Variants in STON2 observed in about 807,000 individuals in gnomAD.
STON2 encodes stonin-2.
In STON2, 29 loss-of-function variants were observed where a neutral mutation model predicts 65.7. The ratio of observed to expected loss-of-function variants is 0.44; its 90% CI spans 0.33 to 0.60. STON2 has a LOEUF of 0.60. STON2 is among the 20% of genes least tolerant of loss of function. The pLI is 0.03. For synonymous variants in STON2, 404 were observed against 414.2 expected (o/e 0.98, Z 0.30); for missense variants, 1,054 against 1,118.1 (o/e 0.94, Z 0.82).
chr14:81,411,966 G>A (rs1901187766), intron 2 of STON2, among the ~76,000 whole-genome samples: 1 of 107,726 alleles, frequency 9.3e-6, no homozygotes, highest in Non-Finnish European at 1.7e-5. Flanking sequence ...AACCACGATG[G>A]GATGAAAAGT....
rs1211336787 is a variant in STON2 at position 81,278,265 on chromosome 14, CTGGAAA to C, written c.1211_1216del (p.Ile404_Ser405del). The C allele has an allele frequency of 1.2e-6, 2 of 1,614,074 alleles. No homozygotes were observed. Among genetic ancestry groups the C allele is most frequent in the South Asian group, 2.2e-5 (2 of 91,080 alleles). ...ATCTCTTTGGCTTTTGCCCGTGGTA[CTGGAAA>C]TGGAACTGTTTTGGGAGCGCCTCTC... On this transcript the variant is annotated inframe_deletion, in exon 6 of 8. Transcript: ENST00000614646.
chr14:81,293,217 A>G lies in STON2; in HGVS notation c.743-14478T>C, dbSNP rs527495252. 2.8e-5 allele frequency among the ~76,000 whole-genome samples: 4 copies of G among 145,306 alleles called. No homozygotes were observed. The South Asian group carries it at 8.6e-4, about 31-fold the overall frequency. On this transcript the variant is annotated intron_variant, in intron 5 of 7. Transcript: ENST00000614646. The stretch of plus-strand genomic sequence containing the variant: ...TGAGATGGAGTCTCGCTCCGTCATC[A>G]GGCTGGAGTGCAGTGGTGCGATCTT...
intron 6 of STON2, among the ~76,000 whole-genome samples, chr14:81,276,201 C>T (rs552930219): frequency 1.6e-4 from 25 of 152,252 alleles, no homozygotes; most frequent in Admixed American, 7.8e-4. Context: ...TGGACTCACT[C>T]AAGCACAAAA....
At position 81,412,505 on chromosome 14, in the gene STON2, T is replaced by C. The variant is rs536914427; in HGVS notation, c.-198-13925A>G. Among the ~76,000 whole-genome samples the C allele has an allele frequency of 3.6e-5, 5 of 140,058 alleles. 1 individual carries two copies. The highest frequency in any genetic ancestry group is 4.8e-4 in the South Asian group (2 of 4,210). 91.9% of individuals were successfully genotyped at this position (140,058 alleles called of 152,430 possible). On this transcript the variant is annotated intron_variant, in intron 2 of 8. Transcript: ENST00000553821. The stretch of plus-strand genomic sequence containing the variant: ...CAGTTACAAAACGACAAATACTATA[T>C]GATTCCACTTACATGAAGTACTTAG...
intron 4 of STON2, among the ~76,000 whole-genome samples, chr14:81,342,086 T>TTA (rs1270997361): frequency 1.3e-5 from 2 of 152,140 alleles, no homozygotes; most frequent in African/African-American, 2.4e-5. Flanking sequence ...AAATTATGTG[T>TTA]TATACTCCTT....
chr14:81,270,821 C>T lies in STON2; in HGVS notation c.2633G>A (p.Arg878Gln), dbSNP rs758368820. 1.6e-5 allele frequency: 26 copies of T among 1,613,732 alleles called. No homozygotes were observed. Among genetic ancestry groups the T allele is most frequent in the East Asian group, 4.5e-5 (2 of 44,884 alleles). Residue 878 changes from arginine (R) to glutamine (Q), a missense_variant, in exon 7 of 8, where the codon CGG becomes CAG. Coordinates refer to ENST00000614646, the MANE Select transcript of STON2 (RefSeq NM_001394390.1). Reference sequence around the variant, plus strand: ...ATTGGCAAATCTGGAAGGCACTTCCCGGTCAGAGCCGAGTTCAAGGTGGCA... The same window carrying T: ...ATTGGCAAATCTGGAAGGCACTTCCTGGTCAGAGCCGAGTTCAAGGTGGCA... ...FFCHLELGSD[R>Q]EVPSRFANHV...
chr14:81,424,597 C>T (rs1479731802), intron 2 of STON2, among the ~76,000 whole-genome samples: 1 of 151,878 alleles, frequency 6.6e-6, no homozygotes, highest in Non-Finnish European at 1.5e-5. Flanking sequence ...ATTTCTTCAA[C>T]TTCTCAGGGA....
chr14:81,337,628 T>G (rs1338278655), intron 4 of STON2, among the ~76,000 whole-genome samples: 1 of 152,068 alleles, frequency 6.6e-6, no homozygotes, highest in Non-Finnish European at 1.5e-5. Context: ...TATGAAGATC[T>G]TGAAGAACGA....
In STON2 at chr14:81,267,864, T is replaced by C. The variant is rs1894417879; in HGVS notation, c.*550A>G. The C allele has an allele frequency of 5.1e-6, 5 of 985,430 alleles. No homozygotes were observed. Among genetic ancestry groups the C allele is most frequent in the Non-Finnish European group, 3.6e-6 (3 of 829,964 alleles). 61.0% of individuals were successfully genotyped at this position (985,430 alleles called of 1,614,324 possible). On this transcript the variant is annotated 3_prime_UTR_variant, in exon 8 of 8. Coordinates refer to ENST00000614646, the MANE Select transcript of STON2 (RefSeq NM_001394390.1). ...GCCAGGAGGGAAATGTCTTGAAAGC[T>C]TAACAGTTAAAGAATGGAGACACCT...
At chr14:81,382,672 T>G (rs999281604) in intron 3 of STON2, among the ~76,000 whole-genome samples, 1 of 152,198 alleles carries the variant, frequency 6.6e-6, no homozygotes, top group African/African-American at 2.4e-5. Flanking sequence ...CTTTATAATC[T>G]AATACACAAT....
Position 81,262,457 on chromosome 14 carries a change from G to A in STON2, c.*5957C>T, listed in dbSNP as rs192782718. 201 of 985,254 alleles carry A rather than the reference G, an allele frequency of 2.0e-4. 1 individual carries two copies. The African/African-American group carries it at 3.4e-3, about 17-fold the overall frequency. 61.0% of individuals were successfully genotyped at this position (985,254 alleles called of 1,614,324 possible). A position where few individuals can be genotyped will look rare whatever the true frequency, so the allele number is the denominator to read the frequency against. On this transcript the variant is annotated 3_prime_UTR_variant, in exon 8 of 8. Transcript: ENST00000614646. ...TTACTATGCAATCTTTATTTTTCCTGGAGCTTCTTACTTTTAACTTTAAGA... is the reference window on the plus strand; with the variant it reads ...TTACTATGCAATCTTTATTTTTCCTAGAGCTTCTTACTTTTAACTTTAAGA...
At chr14:81,419,550 T>C (rs1486829955) in intron 2 of STON2, among the ~76,000 whole-genome samples, 4 of 152,182 alleles carry the variant, frequency 2.6e-5, no homozygotes, top group Admixed American at 1.3e-4. Context: ...ATCTGCCCAA[T>C]TCCCCTAAAT....
chr14:81,373,346 AAAG>A (rs1299332453), intron 3 of STON2, among the ~76,000 whole-genome samples: 1 of 152,216 alleles, frequency 6.6e-6, no homozygotes, highest in Non-Finnish European at 1.5e-5. Context: ...AAATACTAAA[AAAG>A]AAGAAAAGAT....
At chr14:81,424,878 A>T (rs965382992) in intron 2 of STON2, among the ~76,000 whole-genome samples, 7 of 152,130 alleles carry the variant, frequency 4.6e-5, no homozygotes, top group Non-Finnish European at 8.8e-5. Flanking sequence ...GTTTCTAAAG[A>T]TTTTTTCTTT....
At chr14:81,357,259 C>T (rs1488853561) in intron 4 of STON2, among the ~76,000 whole-genome samples, 1 of 151,714 alleles carries the variant, frequency 6.6e-6, no homozygotes, top group African/African-American at 2.4e-5. Flanking sequence ...AGACACTTCT[C>T]AAAAGAAGAC....
At chr14:81,400,252 G>C (rs1900537034) in intron 1 of STON2, among the ~76,000 whole-genome samples, 27 bp downstream of exon 1, 1 of 152,118 alleles carries the variant, frequency 6.6e-6, no homozygotes, top group Non-Finnish European at 1.5e-5. Context: ...AGCCTGGAGA[G>C]AGCAGGTCTC....
chr14:81,284,501 A>AAAAT (rs1384936189), intron 5 of STON2, among the ~76,000 whole-genome samples: 1 of 152,236 alleles, frequency 6.6e-6, no homozygotes, highest in Non-Finnish European at 1.5e-5. Context: ...AATTGCAGAA[A>AAAAT]AAATAAATAA....
At chr14:81,333,578 C>T (rs971311516) in intron 4 of STON2, among the ~76,000 whole-genome samples, 1 of 152,058 alleles carries the variant, frequency 6.6e-6, no homozygotes, top group Admixed American at 6.6e-5. Context: ...AGTTTGTTGC[C>T]ACAGGACTAG....
At chr14:81,300,979 T>C (rs995318837) in intron 5 of STON2, among the ~76,000 whole-genome samples, 1 of 152,176 alleles carries the variant, frequency 6.6e-6, no homozygotes, top group Non-Finnish European at 1.5e-5. Flanking sequence ...ATTCATATCA[T>C]AGAATACCAC....
Sources: allele counts gnomAD v4.1 joint callset (sites outside exome capture counted in the v4.1 genomes callset), GRCh38; gene constraint gnomAD v4.1.1; transcripts MANE v1.5; gene names NCBI Gene and HGNC (gene_info 2026-07-23, HGNC 2026-07-21).